Variants in PRR12 observed in about 807,000 individuals in gnomAD.
PRR12 encodes proline-rich protein 12.
In PRR12, 12 loss-of-function variants were observed where a neutral mutation model predicts 138.0. The observed-to-expected ratio is 0.09, with a 90% CI of 0.06 to 0.14. PRR12 has a LOEUF of 0.14. Among genes scored for constraint, PRR12 ranks in the 10% least tolerant of loss-of-function variants. The pLI, the probability that PRR12 is intolerant of heterozygous loss-of-function variation, is 1.00. For synonymous variants in PRR12, 1,567 were observed against 1,291.7 expected, an observed-to-expected ratio of 1.21 and a Z score of -4.57; for missense variants, 2,692 against 2,861.3, an observed-to-expected ratio of 0.94 and a Z score of 1.35.
intron 6 of PRR12, among the ~76,000 whole-genome samples, chr19:49,609,993 A>G (rs938147929): frequency 2.7e-5 from 4 of 147,098 alleles, no homozygotes; most frequent in African/African-American, 1.0e-4. Flanking sequence ...TTTTTTTTTG[A>G]GACGAAGTCT....
Position 49,597,250 on chromosome 19 carries a change from G to A in PRR12, c.2915G>A (p.Gly972Glu). Reference protein sequence around the residue: ...YGKAGPPEDEGDPKAGAGPPP... With the variant: ...YGKAGPPEDEEDPKAGAGPPP... Reference sequence around the variant, plus strand: ...AAGGCCGGGCCACCTGAGGACGAGGGGGACCCCAAGGCTGGCGCTGGGCCA... The same window carrying A: ...AAGGCCGGGCCACCTGAGGACGAGGAGGACCCCAAGGCTGGCGCTGGGCCA... Residue 972 changes from glycine (G) to glutamate (E), a missense_variant, in exon 4 of 14, where the codon GGG becomes GAG. By Grantham distance (98) the Gly-to-Glu change is moderately conservative. Transcript: ENST00000418929. The surrounding 1 kb of genome is among the most constrained non-coding windows in gnomAD (Gnocchi z 6.3). 6 of 1,573,012 alleles carry A rather than the reference G, an allele frequency of 3.8e-6. No homozygotes were observed. The highest frequency in any genetic ancestry group is 1.8e-5 in the Admixed American group (1 of 54,444).
Position 49,597,082 on chromosome 19 carries a change from C to G in PRR12, c.2747C>G (p.Pro916Arg). The change falls in exon 4 of 14, where the codon CCC (proline) becomes CGC (arginine). Residue 916 changes from proline (P) to arginine (R), a missense_variant. Physicochemically the swap from Pro to Arg is moderately radical, Grantham distance 103 (BLOSUM62 -2). This residue lies in a region of PRR12 where 840 missense variants were observed against 689.8 expected (regional missense o/e 1.22). Transcript: ENST00000418929. This position sits in a 1 kb window ranked among gnomAD's most constrained non-coding sequence, Gnocchi z 6.3. ...GKDPAGAYRS[P>R]SPQGTKAPRF... ...GATCCCGCAGGCGCCTACCGCAGCC[C>G]CAGCCCGCAAGGCACCAAGGCGCCG... The G allele has an allele frequency of 6.4e-7, 1 of 1,552,230 alleles. No homozygotes were observed. The highest frequency in any genetic ancestry group is 8.7e-7 in the Non-Finnish European group (1 of 1,148,270).
chr19:49,597,109 G>A lies in PRR12; in HGVS notation c.2774G>A (p.Arg925His), dbSNP rs779177325. The A allele has an allele frequency of 1.3e-6, 2 of 1,550,998 alleles. No homozygotes were observed. The highest frequency in any genetic ancestry group is 1.2e-5 in the South Asian group (1 of 84,124). ...AGCCCGCAAGGCACCAAGGCGCCGC[G>A]TTTCGTGCCGCTCACCTCCATCTGC... ...SPSPQGTKAPRFVPLTSICFP... is the reference protein window; with the variant it reads ...SPSPQGTKAPHFVPLTSICFP... The change falls in exon 4 of 14, where the codon CGT (arginine) becomes CAT (histidine). Residue 925 changes from arginine (R) to histidine (H), a missense_variant. Arg to His is a conservative substitution (Grantham distance 29). Transcript: ENST00000418929. The surrounding 1 kb of genome is among the most constrained non-coding windows in gnomAD (Gnocchi z 6.3).
chr19:49,619,807 G>A (rs1267794831), intron 9 of PRR12, among the ~76,000 whole-genome samples: 1 of 149,480 alleles, frequency 6.7e-6, no homozygotes. Context: ...CTCCCAAAGT[G>A]CTGGGATTGC....
At chr19:49,593,468 G>T in intron 2 of PRR12, 29 bp downstream of exon 2, 1 of 1,116,542 alleles carries the variant, frequency 9.0e-7, no homozygotes, top group Non-Finnish European at 1.3e-6. Flanking sequence ...CCCGCTTTGG[G>T]CTGGCCCTCC....
In PRR12 at chr19:49,596,963, G is replaced by A. The variant is rs1001470626; in HGVS notation, c.2628G>A (p.Pro876=). ...PRLRPEESLD[P]PGAMQELLGA... ...TGCGACCCGAGGAGAGCCTGGATCC[G>A]CCAGGCGCCATGCAGGAATTGCTCG... The change falls in exon 4 of 14, where the codon CCG becomes CCA. Residue 876 remains proline (P), a synonymous_variant. Transcript: ENST00000418929. The surrounding 1 kb of genome is among the most constrained non-coding windows in gnomAD (Gnocchi z 5.6). The A allele has an allele frequency of 5.8e-6, 9 of 1,551,578 alleles. No homozygotes were observed. Among genetic ancestry groups the A allele is most frequent in the Admixed American group, 1.9e-5 (1 of 51,752 alleles).
rs370247147 is a variant in PRR12, at chr19:49,595,902, G to C, written c.1567G>C (p.Gly523Arg). 20 of 1,602,904 alleles carry C rather than the reference G, an allele frequency of 1.2e-5. No individual in the cohort carries two copies. Among genetic ancestry groups the C allele is most frequent in the Non-Finnish European group, 1.7e-5 (20 of 1,179,574 alleles). Residue 523 changes from glycine (G) to arginine (R), a missense_variant, in exon 4 of 14, where the codon GGG becomes CGG. Gly to Arg is a moderately radical substitution (Grantham distance 125). Around this residue, in one of 11 missense-constraint regions of PRR12, gnomAD observed 523 missense variants for 496.4 expected, o/e 1.05. Coordinates refer to ENST00000418929, the MANE Select transcript of PRR12 (RefSeq NM_020719.3). ...CCCAGGGCCAGCCGCCCACTCCCAG[G>C]GGCTGCCCACAGCCAGCCCCTCGCT... ...PYPGPAAHSQ[G>R]LPTASPSLSY...
At chr19:49,593,148 C>T (rs538708941) in intron 1 of PRR12, among the ~76,000 whole-genome samples, 179 bp from the exon 2 acceptor site, 1 of 152,078 alleles carries the variant, frequency 6.6e-6, no homozygotes, top group East Asian at 1.9e-4. Context: ...TTCTGTGGCT[C>T]TTTAGTTGAG....
chr19:49,597,230 C>T lies in PRR12; in HGVS notation c.2895C>T (p.Ala965=), dbSNP rs780221277. The T allele has an allele frequency of 3.8e-6, 6 of 1,569,088 alleles. No homozygotes were observed. In the South Asian group the frequency reaches 4.7e-5, roughly 12 times the overall value. ...GGGAADDYGK[A]GPPEDEGDPK... ...GGGCCGCGGACGACTACGGCAAGGC[C>T]GGGCCACCTGAGGACGAGGGGGACC... Residue 965 remains alanine, a synonymous_variant, in exon 4 of 14, where the codon GCC becomes GCT. Transcript: ENST00000418929. The surrounding 1 kb of genome is among the most constrained non-coding windows in gnomAD (Gnocchi z 6.3).
rs1377861268 is a variant in PRR12, at chr19:49,597,548, G to A, written c.3213G>A (p.Lys1071=). The change falls in exon 4 of 14, where the codon AAG becomes AAA. Residue 1071 remains lysine, a synonymous_variant. Transcript: ENST00000418929. The surrounding 1 kb of genome is among the most constrained non-coding windows in gnomAD (Gnocchi z 6.3). The part of the protein sequence containing the change: ...SPIFCSTKPK[K]LLKTSSFHLL... The stretch of plus-strand genomic sequence containing the variant: ...TCTTCTGCTCTACCAAGCCAAAGAA[G>A]CTGCTCAAGACATCCTCCTTCCACC... 2.5e-6 allele frequency: 4 copies of A among 1,584,108 alleles called. No individual in the cohort carries two copies. The highest frequency in any genetic ancestry group is 3.4e-6 in the Non-Finnish European group (4 of 1,167,418).
In PRR12 at chr19:49,595,065, C is replaced by G; in HGVS notation, c.730C>G (p.Gln244Glu). The change falls in exon 4 of 14, where the codon CAG becomes GAG. Residue 244 changes from glutamine to glutamate, a missense_variant. Coordinates refer to ENST00000418929, the MANE Select transcript of PRR12 (RefSeq NM_020719.3). ...ACCACCTCCTCGCCACCTCCCAACTCAGTTCAACCTGCTGGCTTCCTCTTC... is the reference window on the plus strand; with the variant it reads ...ACCACCTCCTCGCCACCTCCCAACTGAGTTCAACCTGCTGGCTTCCTCTTC... ...PPPPPRHLPT[Q>E]FNLLASSSAA... 6.2e-7 allele frequency: 1 copy of G among 1,611,818 alleles called. No individual in the cohort carries two copies.
chr19:49,618,259 G>T (rs1184304447), intron 9 of PRR12, among the ~76,000 whole-genome samples: 1 of 151,846 alleles, frequency 6.6e-6, no homozygotes, highest in Non-Finnish European at 1.5e-5. Context: ...CCACCCCACA[G>T]ACCTTCCCCA....
At chr19:49,604,155 C>G (rs2080826502) in intron 6 of PRR12, among the ~76,000 whole-genome samples, 1 of 152,004 alleles carries the variant, frequency 6.6e-6, no homozygotes, top group South Asian at 2.1e-4. Context: ...TTGAGGCAAA[C>G]TCAAATGTAT....
intron 6 of PRR12, among the ~76,000 whole-genome samples, chr19:49,613,145 C>T (rs919144223): frequency 3.3e-5 from 5 of 151,480 alleles, no homozygotes; most frequent in South Asian, 2.1e-4. Flanking sequence ...AAGACCAGCC[C>T]GGCCAACATG....
At chr19:49,620,311 G>A in intron 9 of PRR12, 41 bp from the exon 10 acceptor site, 1 of 1,610,678 alleles carries the variant, frequency 6.2e-7, no homozygotes, top group Non-Finnish European at 8.5e-7. Context: ...TGGTCTCAGA[G>A]GAAATTGGGA....
In PRR12 at chr19:49,599,376, G is replaced by A. The variant is rs1568424525; in HGVS notation, c.3783G>A (p.Glu1261=). The change falls in exon 5 of 14, where the codon GAG becomes GAA. Residue 1261 remains glutamate (E), a synonymous_variant. Coordinates refer to ENST00000418929, the MANE Select transcript of PRR12 (RefSeq NM_020719.3). The surrounding 1 kb of genome is among the most constrained non-coding windows in gnomAD (Gnocchi z 5.0). ...GCCTGGACTCGAGCCTGACTCGGGA[G>A]AAGATCGAGGCCAAGATTAAGGAGG... ...HNSLDSSLTR[E]KIEAKIKEVE... is the part of the protein sequence containing the mutation. The A allele has an allele frequency of 1.2e-6, 2 of 1,612,910 alleles. No homozygotes were observed. Among genetic ancestry groups the A allele is most frequent in the Non-Finnish European group, 1.7e-6 (2 of 1,179,640 alleles).
chr19:49,613,084 C>T (rs867647677), intron 6 of PRR12, among the ~76,000 whole-genome samples: 2 of 151,932 alleles, frequency 1.3e-5, no homozygotes, highest in African/African-American at 4.8e-5. Flanking sequence ...TGCCTATAAT[C>T]CCAGCACTTT....
At chr19:49,602,942 G>A (rs1490181685) in intron 6 of PRR12, among the ~76,000 whole-genome samples, 1 of 152,234 alleles carries the variant, frequency 6.6e-6, no homozygotes, top group African/African-American at 2.4e-5. Context: ...TACCGCAGGA[G>A]CTTGAAAACT....
intron 11 of PRR12, chr19:49,621,832 G>A (rs1304258683): frequency 1.1e-5 from 6 of 570,822 alleles, no homozygotes; most frequent in Non-Finnish European, 1.3e-5. Flanking sequence ...GTGGGCCTTG[G>A]GGCAGCAGAG....
Sources: allele counts gnomAD v4.1 joint callset (sites outside exome capture counted in the v4.1 genomes callset), GRCh38; gene constraint gnomAD v4.1.1; regional missense constraint gnomAD v4.1.1; non-coding constraint Gnocchi (gnomAD v3.1); transcripts MANE v1.5; gene names NCBI Gene and HGNC (gene_info 2026-07-23, HGNC 2026-07-21).